The following DNAJC13 variants were observed in gnomAD, a reference collection of about 807,000 sequenced individuals.
DNAJC13 encodes DnaJ heat shock protein family (Hsp40) member C13.
Under a neutral mutation model 290.5 loss-of-function variants are expected in DNAJC13, and 75 were observed. That is an observed-to-expected ratio of 0.26 (90% confidence interval 0.21 to 0.31). The LOEUF (loss-of-function observed/expected upper bound fraction) is 0.31, where lower values mean the gene tolerates loss of function less well. Ranked by LOEUF, DNAJC13 falls within the 10% of genes least tolerant of loss-of-function variation. The pLI is 1.00. For synonymous variants in DNAJC13, 862 were observed against 892.0 expected (o/e 0.97, Z 0.60); for missense variants, 2,260 against 2,674.5 (o/e 0.85, Z 3.42).
intron 20 of DNAJC13, among the ~76,000 whole-genome samples, chr3:132,469,694 A>C (rs1934119553): frequency 6.6e-6 from 1 of 152,124 alleles, no homozygotes; most frequent in African/African-American, 2.4e-5. Flanking sequence ...ACTTTGCATT[A>C]GTTTTCATGA....
At chr3:132,536,166 A>G (rs988393626) in intron 55 of DNAJC13, among the ~76,000 whole-genome samples, 3 of 152,224 alleles carry the variant, frequency 2.0e-5, no homozygotes, top group South Asian at 2.1e-4. Context: ...ACTTGAAAGT[A>G]GTTGTTTGTA....
At position 132,526,234 on chromosome 3, in the gene DNAJC13, G is replaced by A. The variant is rs920540326; in HGVS notation, c.6334G>A (p.Ala2112Thr). Residue 2112 changes from alanine (A) to threonine (T), a missense_variant, in exon 53 of 56, where the codon GCA becomes ACA. By Grantham distance (58) the Ala-to-Thr change is moderately conservative (BLOSUM62 0). This residue lies in a region of DNAJC13 where 1,494 missense variants were observed against 1,693.7 expected (regional missense o/e 0.88). Transcript: ENST00000260818. The stretch of plus-strand genomic sequence containing the variant: ...AGATACTGTTGGTCTAGCCTGTGAA[G>A]CAATTAATCGAATGTTTCAGAAGGA... ...RADTVGLACE[A>T]INRMFQKEQS... is the part of the protein sequence containing the mutation. 1 of 1,614,044 alleles carries A rather than the reference G, an allele frequency of 6.2e-7. No homozygotes were observed. Among genetic ancestry groups the A allele is most frequent in the African/African-American group, 1.3e-5 (1 of 75,042 alleles).
intron 32 of DNAJC13, 25 bp from the exon 33 acceptor site, chr3:132,492,389 T>C (rs755549600): frequency 1.7e-5 from 28 of 1,611,702 alleles, no homozygotes; most frequent in Non-Finnish European, 2.4e-5. Flanking sequence ...TCATAAAGCT[T>C]GAATGGAGGT....
In DNAJC13 at chr3:132,514,923, A is replaced by G. The variant is rs185845627; in HGVS notation, c.5485+253A>G. The stretch of plus-strand genomic sequence containing the variant: ...ATAACCTGGGATTTTCAGTTTGTTG[A>G]GATCTACACATGGGTAATTGAGAAT... On this transcript the variant is annotated intron_variant, in intron 46 of 55. Coordinates refer to ENST00000260818, the MANE Select transcript of DNAJC13 (RefSeq NM_015268.4). 23 of 345,580 alleles carry G rather than the reference A, an allele frequency of 6.7e-5. No homozygotes were observed. In the Admixed American group the frequency reaches 9.6e-4, roughly 14 times the overall value. 21.4% of individuals were successfully genotyped at this position (345,580 alleles called of 1,614,324 possible). A position where few individuals can be genotyped will look rare whatever the true frequency, so the allele number is the denominator to read the frequency against.
chr3:132,425,535 A>G (rs1418601618), intron 1 of DNAJC13, among the ~76,000 whole-genome samples: 1 of 152,164 alleles, frequency 6.6e-6, no homozygotes, highest in Non-Finnish European at 1.5e-5. Context: ...TTTTTTATGC[A>G]TTTCAAAACA....
intron 42 of DNAJC13, among the ~76,000 whole-genome samples, chr3:132,506,644 C>T (rs1935602465): frequency 6.8e-6 from 1 of 146,400 alleles, no homozygotes; most frequent in Non-Finnish European, 1.5e-5. Flanking sequence ...CTCTGCCTCC[C>T]AGGTTCAAGT....
Position 132,485,241 on chromosome 3 carries a change from G to A in DNAJC13, c.3267+569G>A, listed in dbSNP as rs553590915. Among the ~76,000 whole-genome samples, 413 of 152,212 alleles carry A rather than the reference G, an allele frequency of 2.7e-3. 2 individuals are homozygous for A. The highest frequency in any genetic ancestry group is 9.6e-3 in the African/African-American group (400 of 41,534). On this transcript the variant is annotated intron_variant, in intron 29 of 55. Transcript: ENST00000260818. ...CAACCTTCGCCTCCCATGTTCAGAT[G>A]ATTCTCTTGGCTCAGCCTCCCGAGT...
At chr3:132,535,673 C>T (rs1192657195) in intron 55 of DNAJC13, among the ~76,000 whole-genome samples, 2 of 152,126 alleles carry the variant, frequency 1.3e-5, no homozygotes, top group African/African-American at 2.4e-5. Flanking sequence ...TACATTTCAT[C>T]GTGGTAGCCA....
At chr3:132,499,655 A>G in intron 37 of DNAJC13, 79 bp from the exon 38 acceptor site, 1 of 1,173,842 alleles carries the variant, frequency 8.5e-7, no homozygotes, top group Non-Finnish European at 1.2e-6. Flanking sequence ...AGGGTTATTT[A>G]TATTTTATTA....
intron 1 of DNAJC13, among the ~76,000 whole-genome samples, chr3:132,427,650 T>C (rs970254783): frequency 6.6e-6 from 1 of 152,152 alleles, no homozygotes; most frequent in African/African-American, 2.4e-5. Flanking sequence ...CTAGGTGATA[T>C]CTATTGCATA....
At chr3:132,493,029 G>C (rs1408052286) in intron 33 of DNAJC13, among the ~76,000 whole-genome samples, 1 of 152,018 alleles carries the variant, frequency 6.6e-6, no homozygotes, top group East Asian at 1.9e-4. Flanking sequence ...TTAATATTCA[G>C]TACATTGCTT....
At chr3:132,418,017 C>T (rs181422316) in intron 1 of DNAJC13, among the ~76,000 whole-genome samples, 52 of 152,102 alleles carry the variant, frequency 3.4e-4, no homozygotes, top group African/African-American at 1.2e-3. Flanking sequence ...TTGTTTTATA[C>T]CTAGTACGCT....
At chr3:132,493,296 C>CT (rs1190500751) in intron 33 of DNAJC13, among the ~76,000 whole-genome samples, 1 of 151,992 alleles carries the variant, frequency 6.6e-6, no homozygotes, top group African/African-American at 2.4e-5. Flanking sequence ...TGTGGTGGAA[C>CT]TTATACCATT....
chr3:132,510,672 A>G (rs946742953), intron 43 of DNAJC13, among the ~76,000 whole-genome samples: 12 of 152,234 alleles, frequency 7.9e-5, no homozygotes, highest in Non-Finnish European at 1.8e-4. Context: ...GTAAATAGCT[A>G]TTAAGCAGAA....
chr3:132,456,765 C>G lies in DNAJC13; in HGVS notation c.1282C>G (p.Gln428Glu). 2 of 1,614,106 alleles carry G rather than the reference C, an allele frequency of 1.2e-6. No homozygotes were observed. The highest frequency in any genetic ancestry group is 1.7e-6 in the Non-Finnish European group (2 of 1,179,960). ...VVASNAELES[Q>E]FQAVRRLVAS... ...TGCTTCAAATGCGGAACTTGAGAGT[C>G]AGTTCCAGGCTGTGAGGAGGCTTGT... Residue 428 changes from glutamine (Q) to glutamate (E), a missense_variant, in exon 12 of 56, where the codon CAG (glutamine) becomes GAG (glutamate). Physicochemically the swap from Gln to Glu is conservative, Grantham distance 29. Around this residue, in one of 3 missense-constraint regions of DNAJC13, gnomAD observed 762 missense variants for 964.1 expected, o/e 0.79. Coordinates refer to ENST00000260818, the MANE Select transcript of DNAJC13 (RefSeq NM_015268.4).
intron 9 of DNAJC13, among the ~76,000 whole-genome samples, chr3:132,455,677 A>G (rs1933574267): frequency 6.6e-6 from 1 of 152,258 alleles, no homozygotes; most frequent in Non-Finnish European, 1.5e-5. Flanking sequence ...AATACATGCA[A>G]CAACTTGGAT....
At chr3:132,515,796 CTTG>C (rs1354584806) in intron 46 of DNAJC13, among the ~76,000 whole-genome samples, 2 of 152,260 alleles carry the variant, frequency 1.3e-5, no homozygotes, top group South Asian at 2.1e-4. Context: ...TGTTACTGTT[CTTG>C]TTGTTTTCAT....
chr3:132,440,667 G>T (rs1933036294), intron 2 of DNAJC13, among the ~76,000 whole-genome samples: 1 of 152,206 alleles, frequency 6.6e-6, no homozygotes, highest in South Asian at 2.1e-4. Flanking sequence ...TACTATCTAG[G>T]TTTGTGTAAG....
intron 20 of DNAJC13, among the ~76,000 whole-genome samples, chr3:132,470,709 A>T (rs1293270080): frequency 2.1e-5 from 2 of 97,542 alleles, no homozygotes; most frequent in Non-Finnish European, 4.2e-5. Context: ...CTGGCCGGGC[A>T]GAGGGGCTCC....
Sources: allele counts gnomAD v4.1 joint callset (sites outside exome capture counted in the v4.1 genomes callset), GRCh38; gene constraint gnomAD v4.1.1; regional missense constraint gnomAD v4.1.1; transcripts MANE v1.5; gene names NCBI Gene and HGNC (gene_info 2026-07-23, HGNC 2026-07-21).